The following DLGAP1 variants were observed in gnomAD, a reference collection of about 807,000 sequenced individuals.
The protein encoded by DLGAP1 is DLG associated protein 1.
DLGAP1 carries 11 observed loss-of-function variants against 90.8 expected under a neutral mutation model. The ratio of observed to expected loss-of-function variants is 0.12; its 90% confidence interval spans 0.08 to 0.20. The LOEUF (loss-of-function observed/expected upper bound fraction) is 0.20, where lower values mean the gene tolerates loss of function less well. Among genes scored for constraint, DLGAP1 ranks in the 10% least tolerant of loss-of-function variants. The pLI, the probability that DLGAP1 is intolerant of heterozygous loss-of-function variation, is 1.00. For missense variants in DLGAP1, 1,050 were observed against 1,333.8 expected, an observed-to-expected ratio of 0.79 and a Z score of 3.31; for synonymous variants, 558 against 540.7, an observed-to-expected ratio of 1.03 and a Z score of -0.44.
At chr18:3,556,124 T>G (rs1346870008) in intron 9 of DLGAP1, among the ~76,000 whole-genome samples, 1 of 152,202 alleles carries the variant, frequency 6.6e-6, no homozygotes, top group African/African-American at 2.4e-5. Context: ...AACCCCTTTT[T>G]AAAATTAATA....
intron 2 of DLGAP1, among the ~76,000 whole-genome samples, chr18:4,102,503 G>A (rs557288571): frequency 4.6e-4 from 70 of 152,234 alleles, no homozygotes; most frequent in African/African-American, 1.6e-3. Context: ...GAGCACCTAT[G>A]AGAAGACTCA....
At chr18:3,878,611 A>G (rs2071063591) in intron 4 of DLGAP1, among the ~76,000 whole-genome samples, 1 of 152,120 alleles carries the variant, frequency 6.6e-6, no homozygotes, top group Non-Finnish European at 1.5e-5. Flanking sequence ...GTCGGGGTGT[A>G]GTTACTGATG....
At chr18:3,779,426 G>A (rs946118479) in intron 5 of DLGAP1, among the ~76,000 whole-genome samples, 1 of 152,072 alleles carries the variant, frequency 6.6e-6, no homozygotes, top group East Asian at 1.9e-4. Flanking sequence ...GGTTTCCATT[G>A]CCTACCAAAT....
intron 7 of DLGAP1, among the ~76,000 whole-genome samples, chr18:3,645,038 C>T (rs1341187420): frequency 6.6e-6 from 1 of 152,124 alleles, no homozygotes; most frequent in African/African-American, 2.4e-5. Flanking sequence ...TGGTAGGTTA[C>T]CTGTTAAGGG....
At chr18:4,315,518 C>T (rs1253273462) in intron 1 of DLGAP1, among the ~76,000 whole-genome samples, 1 of 152,128 alleles carries the variant, frequency 6.6e-6, no homozygotes, top group East Asian at 1.9e-4. Context: ...ACCTCAATTG[C>T]TTTCTAGAAG....
chr18:3,948,060 G>A (rs1163633671), intron 3 of DLGAP1, among the ~76,000 whole-genome samples: 1 of 152,134 alleles, frequency 6.6e-6, no homozygotes, highest in Non-Finnish European at 1.5e-5. Context: ...GGCTCAGGAA[G>A]CAAAGTACAC....
At chr18:4,452,381 CTA>C (rs1322411471) in intron 1 of DLGAP1, among the ~76,000 whole-genome samples, 1 of 152,036 alleles carries the variant, frequency 6.6e-6, no homozygotes, top group East Asian at 1.9e-4. Flanking sequence ...GTAGATGAAA[CTA>C]TTACTTTGCT....
In DLGAP1 at chr18:4,142,455, T is replaced by C. The variant is rs373660120; in HGVS notation, c.-159+8725A>G. ...TCATAAGGCTTGAGACAGCCTCATC[T>C]GTAAGATTCTCATCTTGATAGTGAT... On this transcript the variant is annotated intron_variant, in intron 2 of 12. Transcript: ENST00000315677. Among the ~76,000 whole-genome samples the C allele has an allele frequency of 2.6e-5, 4 of 152,340 alleles. No individual in the cohort carries two copies. The South Asian group carries it at 8.3e-4, about 32-fold the overall frequency.
intron 1 of DLGAP1, among the ~76,000 whole-genome samples, chr18:4,382,518 T>C: frequency 6.6e-6 from 1 of 150,646 alleles, no homozygotes; most frequent in Non-Finnish European, 1.5e-5. Context: ...TATTACTTCT[T>C]GGTATGAAAC....
intron 3 of DLGAP1, among the ~76,000 whole-genome samples, chr18:3,897,939 C>CAT (rs2071677510): frequency 6.6e-6 from 1 of 151,592 alleles, no homozygotes; most frequent in Non-Finnish European, 1.5e-5. Context: ...GGACTACAGG[C>CAT]GCCCGCCACC....
intron 2 of DLGAP1, among the ~76,000 whole-genome samples, chr18:4,094,300 A>C (rs894889434): frequency 1.9e-4 from 29 of 152,194 alleles, no homozygotes; most frequent in African/African-American, 6.8e-4. Flanking sequence ...TTTGGAAGCA[A>C]TAAAAATAGT....
chr18:4,247,763 C>G (rs1480752444), intron 1 of DLGAP1, among the ~76,000 whole-genome samples: 2 of 151,892 alleles, frequency 1.3e-5, no homozygotes, highest in Non-Finnish European at 2.9e-5. Flanking sequence ...GGTGACAGAG[C>G]AAGACTCCAT....
chr18:3,903,325 A>G (rs56153256), intron 3 of DLGAP1, among the ~76,000 whole-genome samples: 1,591 of 152,334 alleles, frequency 0.01, 29 homozygotes, highest in African/African-American at 0.036. Flanking sequence ...TAGATCACAG[A>G]AACCTACCTC....
chr18:4,042,360 A>T (rs2074987666), intron 2 of DLGAP1, among the ~76,000 whole-genome samples: 1 of 152,212 alleles, frequency 6.6e-6, no homozygotes, highest in Non-Finnish European at 1.5e-5. Context: ...ATTCCTTTTC[A>T]ATATATTACA....
chr18:3,570,928 C>CAA (rs71366686), intron 8 of DLGAP1, among the ~76,000 whole-genome samples: 35,601 of 112,442 alleles, frequency 0.32, 5,870 homozygotes, highest in East Asian at 0.85. Context: ...GACAGTGTCT[C>CAA]AAAAAAAAAA....
chr18:3,739,707 T>C (rs1457240967), intron 6 of DLGAP1, among the ~76,000 whole-genome samples: 4 of 152,014 alleles, frequency 2.6e-5, no homozygotes, highest in Non-Finnish European at 5.9e-5. Flanking sequence ...AGCGCACCAG[T>C]GCGGCACATG....
At chr18:3,898,772 CTAGAAA>C (rs1482616945) in intron 3 of DLGAP1, among the ~76,000 whole-genome samples, 3 of 152,084 alleles carry the variant, frequency 2.0e-5, no homozygotes, top group African/African-American at 7.2e-5. Context: ...CCAACATGAA[CTAGAAA>C]TAAAGTTATT....
chr18:3,496,124 G>C lies in DLGAP1; in HGVS notation c.*3061C>G, dbSNP rs565045078. The C allele has an allele frequency of 2.0e-5, 3 of 152,098 alleles. No individual in the cohort carries two copies. The East Asian group carries it at 5.8e-4, about 29-fold the overall frequency. 9.4% of individuals were successfully genotyped at this position (152,098 alleles called of 1,614,324 possible). On this transcript the variant is annotated 3_prime_UTR_variant, in exon 13 of 13. Coordinates refer to ENST00000315677, the MANE Select transcript of DLGAP1 (RefSeq NM_004746.4). ...TATTTTTTTGTTCACACACAATCTA[G>C]GTAAATAAGCCTATGAAATTCCAAT...
At chr18:4,269,590 G>A (rs1314960970) in intron 1 of DLGAP1, among the ~76,000 whole-genome samples, 2 of 151,926 alleles carry the variant, frequency 1.3e-5, no homozygotes, top group South Asian at 2.1e-4. Context: ...TCCTGACCTT[G>A]TGATCCACCC....
Sources: allele counts gnomAD v4.1 joint callset (sites outside exome capture counted in the v4.1 genomes callset), GRCh38; gene constraint gnomAD v4.1.1; transcripts MANE v1.5; gene names NCBI Gene and HGNC (gene_info 2026-07-23, HGNC 2026-07-21).